TEX9: variants seen among roughly 807,000 people sequenced by gnomAD.
TEX9 encodes testis-expressed protein 9.
Under a neutral mutation model 59.6 loss-of-function variants are expected in TEX9, and 74 were observed. The observed-to-expected ratio is 1.24, with a 90% CI of 1.03 to 1.51. TEX9 has a LOEUF of 1.51. TEX9 is among the 40% of genes most tolerant of loss of function. The probability of loss-of-function intolerance (pLI) is 0.00; values close to 1 mark genes in which losing one functional copy is unlikely to be tolerated. For missense variants in TEX9, 522 were observed against 447.8 expected (o/e 1.17, Z -1.49); for synonymous variants, 186 against 152.2 (o/e 1.22, Z -1.64).
intron 1 of TEX9, among the ~76,000 whole-genome samples, chr15:56,338,463 C>A (rs2046301495): frequency 6.6e-6 from 1 of 152,164 alleles, no homozygotes; most frequent in African/African-American, 2.4e-5. Context: ...GGATCCACTG[C>A]CACAACTTAT....
intron 12 of TEX9, chr15:56,443,765 TTC>T (rs1423048983): frequency 1.4e-5 from 22 of 1,613,164 alleles, no homozygotes; most frequent in Non-Finnish European, 1.9e-5. Context: ...CTCCTCACGT[TTC>T]TTTTTTCTCC....
At chr15:56,371,209 T>G (rs1441323875) in intron 2 of TEX9, among the ~76,000 whole-genome samples, 1 of 152,198 alleles carries the variant, frequency 6.6e-6, no homozygotes, top group Non-Finnish European at 1.5e-5. Context: ...CTTCAATGGA[T>G]GTTAACCTGT....
intron 12 of TEX9, among the ~76,000 whole-genome samples, chr15:56,434,991 T>A (rs1337578542): frequency 1.1e-4 from 17 of 152,110 alleles, no homozygotes; most frequent in African/African-American, 3.9e-4. Context: ...GAACATTTTA[T>A]TATGAAAAAT....
At chr15:56,405,161 G>A (rs755198866) in intron 9 of TEX9, among the ~76,000 whole-genome samples, 7 of 151,874 alleles carry the variant, frequency 4.6e-5, no homozygotes, top group Admixed American at 6.6e-5. Context: ...CAAAAAAGCC[G>A]GGCGTGGTGG....
chr15:56,256,083 T>C (rs1462193671), intron 1 of TEX9, among the ~76,000 whole-genome samples: 1 of 152,068 alleles, frequency 6.6e-6, no homozygotes, highest in African/African-American at 2.4e-5. Context: ...TACAAAAAAA[T>C]TTAAAATGAA....
chr15:56,454,323 A>G, the TEX9 span, among the ~76,000 whole-genome samples: 82 of 152,024 alleles, frequency 5.4e-4, no homozygotes, highest in Non-Finnish European at 1.1e-3. Flanking sequence ...TGGGGTATCC[A>G]TCCCCTCAAG....
intron 9 of TEX9, among the ~76,000 whole-genome samples, chr15:56,409,565 A>G (rs578091666): frequency 6.6e-6 from 1 of 152,236 alleles, no homozygotes; most frequent in African/African-American, 2.4e-5. Flanking sequence ...CAGTGGTGCA[A>G]TCATGGCTTA....
chr15:56,254,700 AAGAG>A (rs1439236534), intron 1 of TEX9, among the ~76,000 whole-genome samples: 1 of 151,788 alleles, frequency 6.6e-6, no homozygotes, highest in South Asian at 2.1e-4. Context: ...TACCTAACGA[AAGAG>A]AGTTTATAAA....
At chr15:56,361,009 C>T (rs1244821409), upstream of TEX9, among the ~76,000 whole-genome samples, 2 of 152,182 alleles carry the variant, frequency 1.3e-5, no homozygotes, top group South Asian at 2.1e-4. Flanking sequence ...TATGGCATGG[C>T]ATGCGTCCTA....
rs564272339 is a variant in TEX9, at chr15:56,418,471, CT to C, written c.963+6046del. On this transcript the variant is annotated intron_variant, in intron 10 of 12. Coordinates refer to ENST00000352903, the Ensembl canonical transcript of TEX9. ...TGGCTTAATATGAAATTCTTGAGGG[CT>C]TTTTTTTTTTCTTTAAGAATATTGA... Among the ~76,000 whole-genome samples, 178 of 142,824 alleles carry C rather than the reference CT, an allele frequency of 1.2e-3. 1 individual carries two copies. The highest frequency in any genetic ancestry group is 7.5e-3 in the East Asian group (37 of 4,950). 93.7% of individuals were successfully genotyped at this position (142,824 alleles called of 152,430 possible).
chr15:56,456,928 A>T, the TEX9 span, among the ~76,000 whole-genome samples: 1 of 152,160 alleles, frequency 6.6e-6, no homozygotes, highest in Non-Finnish European at 1.5e-5. Context: ...CAGAATTTTT[A>T]AAAATATAAC....
downstream of TEX9, among the ~76,000 whole-genome samples, chr15:56,446,465 ATAAAATTATCAAGTAGTTTACTCT>A (rs1314424734): frequency 2.0e-5 from 3 of 152,082 alleles, no homozygotes; most frequent in Admixed American, 2.0e-4. Flanking sequence ...AGTTTCCTAC[ATAAAATTATCAAGTAGTTTACTCT>A]TAAAAACATT....
At chr15:56,375,766 G>A (rs1237836307) in intron 3 of TEX9, among the ~76,000 whole-genome samples, 1 of 151,868 alleles carries the variant, frequency 6.6e-6, no homozygotes, top group East Asian at 1.9e-4. Context: ...AAAGACACAT[G>A]CACACATATG....
chr15:56,457,631 G>A, the TEX9 span, among the ~76,000 whole-genome samples: 3 of 152,116 alleles, frequency 2.0e-5, no homozygotes, highest in Non-Finnish European at 4.4e-5. Flanking sequence ...AGACCAGCCT[G>A]GGCAACATAG....
At chr15:56,369,586 C>T (rs941081663) in intron 2 of TEX9, among the ~76,000 whole-genome samples, 19 of 152,060 alleles carry the variant, frequency 1.2e-4, no homozygotes, top group Admixed American at 9.8e-4. Context: ...CCACCTTCCT[C>T]GGCTTCCCAA....
intron 8 of TEX9, 87 bp from the exon 9 acceptor site, chr15:56,394,571 AAAG>A: frequency 3.1e-6 from 3 of 970,424 alleles, no homozygotes; most frequent in Non-Finnish European, 4.6e-6. Flanking sequence ...TATAAATATC[AAAG>A]AACATATGAA....
At chr15:56,292,560 G>C (rs1330473462) in intron 1 of TEX9, among the ~76,000 whole-genome samples, 1 of 152,142 alleles carries the variant, frequency 6.6e-6, no homozygotes, top group Admixed American at 6.5e-5. Context: ...GGCAAACCTA[G>C]ACCACTGGAA....
chr15:56,428,350 GA>G lies in TEX9; in HGVS notation c.1099-16del, dbSNP rs769885057. ...TCTTAATACTAAATCAGACAATATT[GA>G]TTTTTTTTTTAACAGATGCATATTG... On this transcript the variant is annotated splice_polypyrimidine_tract_variant and intron_variant, in intron 11 of 12. Coordinates refer to ENST00000352903, the Ensembl canonical transcript of TEX9. The G allele has an allele frequency of 3.8e-6, 6 of 1,585,294 alleles. No individual in the cohort carries two copies. The highest frequency in any genetic ancestry group is 1.3e-5 in the African/African-American group (1 of 74,246).
At chr15:56,313,007 C>G (rs1261786509) in intron 1 of TEX9, among the ~76,000 whole-genome samples, 3 of 134,630 alleles carry the variant, frequency 2.2e-5, no homozygotes, top group African/African-American at 8.4e-5. Context: ...TATCCTGAGA[C>G]TTTGCTGAAG....
Sources: gnomAD v4.1 joint callset for allele counts (sites outside exome capture counted in the v4.1 genomes callset) on GRCh38, gnomAD v4.1.1 for gene constraint, MANE v1.5 for transcripts, NCBI Gene and HGNC (gene_info 2026-07-23, HGNC 2026-07-21) for gene names.